Variants in MALRD1 observed in about 807,000 individuals in gnomAD.
MALRD1 encodes the protein MAM and LDL-receptor class A domain-containing protein 1.
MALRD1 carries 247 observed loss-of-function variants against 242.1 expected under a neutral mutation model. The ratio of observed to expected loss-of-function variants is 1.02; its 90% CI spans 0.92 to 1.13. The LOEUF is 1.13. Ranked by LOEUF, MALRD1 falls within the 50% of genes most tolerant of loss-of-function variation. The pLI is 0.00. For synonymous variants in MALRD1, 995 were observed against 866.6 expected (o/e 1.15, Z -2.60); for missense variants, 2,989 against 2,533.1 (o/e 1.18, Z -3.86).
intron 18 of MALRD1, among the ~76,000 whole-genome samples, chr10:19,211,415 G>T (rs1432898300): frequency 2.6e-5 from 4 of 151,906 alleles, no homozygotes; most frequent in African/African-American, 9.7e-5. Flanking sequence ...AAAAAATGGG[G>T]CCTGAAAGGG....
chr10:19,695,726 A>T (rs1024195951), intron 38 of MALRD1, among the ~76,000 whole-genome samples: 1 of 151,948 alleles, frequency 6.6e-6, no homozygotes, highest in Non-Finnish European at 1.5e-5. Context: ...GGGTTTCACC[A>T]TCTTGACCAG....
intron 26 of MALRD1, among the ~76,000 whole-genome samples, chr10:19,371,941 G>A (rs549782703): frequency 1.6e-3 from 246 of 152,248 alleles, no homozygotes; most frequent in African/African-American, 5.7e-3. Context: ...CCACAGATAT[G>A]AGTATACAGA....
At chr10:19,306,359 TAG>T (rs1842200261) in intron 21 of MALRD1, among the ~76,000 whole-genome samples, 1 of 136,194 alleles carries the variant, frequency 7.3e-6, no homozygotes, top group South Asian at 2.2e-4. Context: ...ATAGTATATA[TAG>T]TGTCGTATAT....
rs1836945721 is a variant in MALRD1, at chr10:19,209,515, C to T, written c.2826C>T (p.Thr942=). Residue 942 remains threonine (T), a synonymous_variant, in exon 18 of 40, where the codon ACC becomes ACT. Coordinates refer to ENST00000454679, the MANE Select transcript of MALRD1 (RefSeq NM_001142308.3). ...ATGCCACTGATACAAAAGGCTGCACCTTCCGCTTCTATTACCACATGTTTG... is the reference window on the plus strand; with the variant it reads ...ATGCCACTGATACAAAAGGCTGCACTTTCCGCTTCTATTACCACATGTTTG... ...ILNATDTKGC[T]FRFYYHMFGK... is the part of the protein sequence containing the mutation. The T allele has an allele frequency of 6.4e-7, 1 of 1,550,766 alleles. No individual in the cohort carries two copies. Among genetic ancestry groups the T allele is most frequent in the Non-Finnish European group, 8.7e-7 (1 of 1,147,016 alleles).
chr10:19,220,014 G>A (rs981445206), intron 18 of MALRD1, among the ~76,000 whole-genome samples: 1 of 152,148 alleles, frequency 6.6e-6, no homozygotes, highest in Non-Finnish European at 1.5e-5. Flanking sequence ...AACCTAGACA[G>A]TTGATGTACT....
intron 36 of MALRD1, among the ~76,000 whole-genome samples, chr10:19,630,412 G>A (rs1477709242): frequency 6.6e-6 from 1 of 152,074 alleles, no homozygotes; most frequent in Non-Finnish European, 1.5e-5. Context: ...GAGGACTAAG[G>A]TAGCATGCTT....
chr10:19,341,845 C>A (rs1428792924), intron 24 of MALRD1, among the ~76,000 whole-genome samples: 1 of 151,988 alleles, frequency 6.6e-6, no homozygotes, highest in African/African-American at 2.4e-5. Flanking sequence ...TATTTCATCA[C>A]CATGTCAGTA....
intron 20 of MALRD1, among the ~76,000 whole-genome samples, chr10:19,282,755 A>C (rs1840878922): frequency 6.6e-6 from 1 of 152,222 alleles, no homozygotes; most frequent in Non-Finnish European, 1.5e-5. Flanking sequence ...TTAGAAGCTA[A>C]TTAAAATCTC....
chr10:19,155,126 G>A lies in MALRD1; in HGVS notation c.1610G>A (p.Gly537Glu). 2.4e-6 allele frequency: 3 copies of A among 1,231,552 alleles called. No individual in the cohort carries two copies. The highest frequency in any genetic ancestry group is 4.1e-5 in the South Asian group (1 of 24,298). 76.3% of individuals were successfully genotyped at this position (1,231,552 alleles called of 1,614,324 possible). Residue 537 changes from glycine (G) to glutamate (E), a missense_variant, in exon 12 of 40, where the codon GGA becomes GAA. Coordinates refer to ENST00000454679, the MANE Select transcript of MALRD1 (RefSeq NM_001142308.3). ...CGCTCCCCCGGGGTGGCCAAGCTTGGAAGTCCTGTTCTTACAAAATTGCTC... is the reference window on the plus strand; with the variant it reads ...CGCTCCCCCGGGGTGGCCAAGCTTGAAAGTCCTGTTCTTACAAAATTGCTC... ...AQRSPGVAKL[G>E]SPVLTKLLTA... is the part of the protein sequence containing the mutation.
intron 32 of MALRD1, among the ~76,000 whole-genome samples, chr10:19,538,083 A>T (rs866847797): frequency 6.6e-6 from 1 of 152,256 alleles, no homozygotes; most frequent in Non-Finnish European, 1.5e-5. Context: ...AGTGTATCAT[A>T]TAAAGTGAAA....
intron 35 of MALRD1, among the ~76,000 whole-genome samples, chr10:19,612,210 A>G (rs1380990741): frequency 6.6e-6 from 1 of 151,924 alleles, no homozygotes; most frequent in African/African-American, 2.4e-5. Flanking sequence ...GTGCTTTATC[A>G]TCTTGGTGGC....
chr10:19,378,344 G>C (rs533199831), intron 26 of MALRD1, among the ~76,000 whole-genome samples: 32 of 152,220 alleles, frequency 2.1e-4, no homozygotes, highest in African/African-American at 7.2e-4. Context: ...AAGTGGATTT[G>C]GTTGAATGAA....
chr10:19,449,274 T>C (rs1291895269), intron 28 of MALRD1, among the ~76,000 whole-genome samples: 1 of 152,162 alleles, frequency 6.6e-6, no homozygotes, highest in Non-Finnish European at 1.5e-5. Flanking sequence ...CCTCCTGGGT[T>C]CAAGTGATTC....
At chr10:19,240,776 A>G (rs1261087884) in intron 18 of MALRD1, among the ~76,000 whole-genome samples, 1 of 152,122 alleles carries the variant, frequency 6.6e-6, no homozygotes, top group Non-Finnish European at 1.5e-5. Context: ...TCATAAAGGA[A>G]TGTTGACTTT....
intron 36 of MALRD1, among the ~76,000 whole-genome samples, chr10:19,664,612 C>A (rs1404844564): frequency 6.6e-6 from 1 of 151,726 alleles, no homozygotes; most frequent in Non-Finnish European, 1.5e-5. Flanking sequence ...AGCCCCACGT[C>A]TAAGGAAGGA....
chr10:19,584,813 T>A (rs1837305451), intron 33 of MALRD1, among the ~76,000 whole-genome samples: 1 of 152,080 alleles, frequency 6.6e-6, no homozygotes, highest in Admixed American at 6.6e-5. Flanking sequence ...CTGTCTAATG[T>A]TGACAGTGGG....
chr10:19,476,833 T>C (rs914086365), intron 29 of MALRD1, among the ~76,000 whole-genome samples: 3 of 152,180 alleles, frequency 2.0e-5, no homozygotes, highest in Non-Finnish European at 2.9e-5. Flanking sequence ...GATTCGTGAG[T>C]CTTTCGTGGA....
At chr10:19,686,685 T>TCCTG (rs1370505907) in intron 36 of MALRD1, among the ~76,000 whole-genome samples, 1 of 152,116 alleles carries the variant, frequency 6.6e-6, no homozygotes, top group Non-Finnish European at 1.5e-5. Context: ...GGGTGCCTTC[T>TCCTG]CCTGCCCTGT....
At chr10:19,098,043 A>G (rs1469232740) in intron 4 of MALRD1, among the ~76,000 whole-genome samples, 1 of 152,112 alleles carries the variant, frequency 6.6e-6, no homozygotes, top group Non-Finnish European at 1.5e-5. Flanking sequence ...CTTTCACTTT[A>G]TGGACATTCT....
Sources: gnomAD v4.1 joint callset for allele counts (sites outside exome capture counted in the v4.1 genomes callset) on GRCh38, gnomAD v4.1.1 for gene constraint, MANE v1.5 for transcripts, NCBI Gene and HGNC (gene_info 2026-07-23, HGNC 2026-07-21) for gene names.